The following CSMD1 variants were observed in gnomAD, a reference collection of about 807,000 sequenced individuals.
The protein encoded by CSMD1 is CUB and Sushi multiple domains 1.
Under a neutral mutation model 417.5 loss-of-function variants are expected in CSMD1, and 213 were observed. The ratio of observed to expected loss-of-function variants is 0.51; its 90% CI spans 0.46 to 0.57. The LOEUF (loss-of-function observed/expected upper bound fraction) is 0.57, where lower values mean the gene tolerates loss of function less well. Ranked by LOEUF, CSMD1 falls within the 20% of genes least tolerant of loss-of-function variation. The pLI is 0.00. For synonymous variants in CSMD1, 2,862 were observed against 1,736.8 expected (o/e 1.65, Z -16.11); for missense variants, 6,923 against 4,529.7 (o/e 1.53, Z -15.17).
chr8:4,333,885 C>T (rs1026233888), intron 3 of CSMD1, among the ~76,000 whole-genome samples: 1 of 151,930 alleles, frequency 6.6e-6, no homozygotes, highest in Non-Finnish European at 1.5e-5. Flanking sequence ...CAATTTTTCC[C>T]CTTTATTTCT....
intron 2 of CSMD1, among the ~76,000 whole-genome samples, chr8:4,453,216 GAC>G (rs71207090): frequency 0.13 from 19,812 of 149,042 alleles, 1,909 homozygotes; most frequent in African/African-American, 0.27. Flanking sequence ...CACACACAGA[GAC>G]ACACACACAC....
At chr8:4,656,500 A>T (rs1804240685) in intron 1 of CSMD1, among the ~76,000 whole-genome samples, 1 of 151,990 alleles carries the variant, frequency 6.6e-6, no homozygotes, top group South Asian at 2.1e-4. Flanking sequence ...TCATAAAAAA[A>T]TCCATCTTGC....
At chr8:3,793,358 G>C (rs1048086354) in intron 5 of CSMD1, among the ~76,000 whole-genome samples, 2 of 152,054 alleles carry the variant, frequency 1.3e-5, no homozygotes, top group African/African-American at 4.8e-5. Context: ...TTTAAATTCT[G>C]TCATTTTCTT....
At chr8:4,033,004 C>T (rs1180640713) in intron 3 of CSMD1, among the ~76,000 whole-genome samples, 1 of 152,068 alleles carries the variant, frequency 6.6e-6, no homozygotes, top group Admixed American at 6.6e-5. Context: ...AGCCTGCTAC[C>T]TGGAGGCTTT....
At chr8:3,517,391 A>C (rs1797326215) in intron 10 of CSMD1, among the ~76,000 whole-genome samples, 1 of 152,202 alleles carries the variant, frequency 6.6e-6, no homozygotes, top group Non-Finnish European at 1.5e-5. Flanking sequence ...GGAAGCTGAT[A>C]AACAATCCTT....
chr8:4,749,612 T>C (rs1302348955), intron 1 of CSMD1, among the ~76,000 whole-genome samples: 3 of 152,364 alleles, frequency 2.0e-5, no homozygotes, highest in Non-Finnish European at 2.9e-5. Context: ...TTATCTGTTC[T>C]TGGAATGTAC....
Position 4,833,129 on chromosome 8 carries a change from G to A in CSMD1, c.85+161203C>T, listed in dbSNP as rs888401427. Among the ~76,000 whole-genome samples, 2 of 152,110 alleles carry A rather than the reference G, an allele frequency of 1.3e-5. 1 individual carries two copies. The highest frequency in any genetic ancestry group is 2.9e-5 in the Non-Finnish European group (2 of 68,022). ...AGTTTTCATTTATTCGTCATTCTGAGAGTAAAATTGATATCCACTGTATTA... is the reference window on the plus strand; with the variant it reads ...AGTTTTCATTTATTCGTCATTCTGAAAGTAAAATTGATATCCACTGTATTA... On this transcript the variant is annotated intron_variant, in intron 1 of 69. Coordinates refer to ENST00000635120, the MANE Select transcript of CSMD1 (RefSeq NM_033225.6).
At chr8:3,610,301 G>C (rs1033402398) in intron 8 of CSMD1, among the ~76,000 whole-genome samples, 20 of 152,168 alleles carry the variant, frequency 1.3e-4, no homozygotes, top group African/African-American at 4.8e-4. Context: ...TGAATGTCAA[G>C]GAGGGAGGAC....
chr8:4,376,505 T>A (rs1802749512), intron 3 of CSMD1, among the ~76,000 whole-genome samples: 1 of 152,234 alleles, frequency 6.6e-6, no homozygotes, highest in Non-Finnish European at 1.5e-5. Flanking sequence ...AATAGACCAT[T>A]ATTTTCCCCA....
intron 5 of CSMD1, among the ~76,000 whole-genome samples, chr8:3,813,118 T>G (rs7840023): frequency 0.34 from 51,072 of 148,914 alleles, 9,089 homozygotes; most frequent in East Asian, 0.41. Context: ...TTTAACTAGA[T>G]GAAGACTTTC....
In CSMD1 at chr8:3,286,306, T is replaced by C. The variant is rs1030837498; in HGVS notation, c.3951-1960A>G. Among the ~76,000 whole-genome samples the C allele has an allele frequency of 2.6e-5, 4 of 152,340 alleles. No homozygotes were observed. In the East Asian group the frequency reaches 5.8e-4, roughly 22 times the overall value. ...AAACATACGTGTGCATGTGTCTTTA[T>C]AGCAGCATGATTTATAATCCTTTGG... On this transcript the variant is annotated intron_variant, in intron 25 of 69. Transcript: ENST00000635120.
intron 7 of CSMD1, among the ~76,000 whole-genome samples, chr8:3,706,976 C>G (rs528592307): frequency 6.6e-6 from 1 of 152,058 alleles, no homozygotes; most frequent in South Asian, 2.1e-4. Context: ...AAGTGCCATG[C>G]AAACATTTAC....
Position 3,245,264 on chromosome 8 carries a change from A to G in CSMD1, c.4154-15033T>C, listed in dbSNP as rs532756466. Among the ~76,000 whole-genome samples, 4 of 152,282 alleles carry G rather than the reference A, an allele frequency of 2.6e-5. No individual in the cohort carries two copies. In the East Asian group the frequency reaches 7.8e-4, roughly 30 times the overall value. On this transcript the variant is annotated intron_variant, in intron 26 of 69. Transcript: ENST00000635120. ...ACAGCAAACATTCATTCCAGGGCAC[A>G]TCCTGCCACCCTGAGAAGCACCTCC... is the stretch of plus-strand genomic sequence containing the variant.
chr8:4,095,713 G>C (rs1461182550), intron 3 of CSMD1, among the ~76,000 whole-genome samples: 1 of 152,162 alleles, frequency 6.6e-6, no homozygotes, highest in Non-Finnish European at 1.5e-5. Context: ...AGGTGCATCC[G>C]TACTTCAATT....
intron 3 of CSMD1, among the ~76,000 whole-genome samples, chr8:4,056,504 G>A (rs982546841): frequency 6.6e-6 from 1 of 151,034 alleles, no homozygotes; most frequent in Non-Finnish European, 1.5e-5. Flanking sequence ...AAAAATATTG[G>A]GCTACTAAGG....
chr8:3,471,569 C>G (rs987697036), intron 11 of CSMD1, among the ~76,000 whole-genome samples: 2 of 136,568 alleles, frequency 1.5e-5, no homozygotes, highest in African/African-American at 5.4e-5. Flanking sequence ...TCCCTCCTTC[C>G]TTCTTCCTCT....
chr8:3,823,676 T>A (rs1801877301), intron 5 of CSMD1, among the ~76,000 whole-genome samples: 1 of 152,154 alleles, frequency 6.6e-6, no homozygotes, highest in Non-Finnish European at 1.5e-5. Context: ...ACACGTTTTA[T>A]GCAATGGATA....
At chr8:3,613,891 A>T (rs569548258) in intron 8 of CSMD1, among the ~76,000 whole-genome samples, 1 of 152,146 alleles carries the variant, frequency 6.6e-6, no homozygotes, top group African/African-American at 2.4e-5. Context: ...TTTCTACTCA[A>T]TCTTGTAAAA....
rs147419425 is a variant in CSMD1, at chr8:4,866,828, A to G, written c.85+127504T>C. ...AATGATACAGGATCCTTACCTTTTCATGATTTTTAAAAATTATAACTTTAC... is the reference window on the plus strand; with the variant it reads ...AATGATACAGGATCCTTACCTTTTCGTGATTTTTAAAAATTATAACTTTAC... On this transcript the variant is annotated intron_variant, in intron 1 of 69. Coordinates refer to ENST00000635120, the MANE Select transcript of CSMD1 (RefSeq NM_033225.6). Among the ~76,000 whole-genome samples the G allele has an allele frequency of 7.2e-4, 110 of 152,184 alleles. 2 individuals are homozygous for G. Among genetic ancestry groups the G allele is most frequent in the African/African-American group, 2.6e-3 (107 of 41,514 alleles).
Sources: allele counts gnomAD v4.1 joint callset (sites outside exome capture counted in the v4.1 genomes callset), GRCh38; gene constraint gnomAD v4.1.1; transcripts MANE v1.5; gene names NCBI Gene and HGNC (gene_info 2026-07-23, HGNC 2026-07-21).